LMBRD1: variants seen among roughly 807,000 people sequenced by gnomAD.
LMBRD1 encodes the protein LMBR1 domain containing 1, also known as lysosomal cobalamin transport escort protein LMBD1.
A neutral mutation model predicts 74.8 loss-of-function variants in LMBRD1; 64 were observed. That is an observed-to-expected ratio of 0.86 (90% CI 0.70 to 1.05). The LOEUF (loss-of-function observed/expected upper bound fraction) is 1.05. Among genes scored for constraint, LMBRD1 ranks in the 50% least tolerant of loss-of-function variants. LMBRD1 has a pLI of 0.00. For missense variants in LMBRD1, 652 were observed against 645.9 expected, an observed-to-expected ratio of 1.01 and a Z score of -0.10; for synonymous variants, 204 against 216.3, an observed-to-expected ratio of 0.94 and a Z score of 0.50.
chr6:69,726,103 C>T (rs1221219963), intron 7 of LMBRD1, among the ~76,000 whole-genome samples: 1 of 152,084 alleles, frequency 6.6e-6, no homozygotes, highest in Admixed American at 6.6e-5. Context: ...TTAAAATAGA[C>T]ATACAAATGA....
rs199547511 is a variant in LMBRD1, at chr6:69,710,266, G to GA, written c.915+3378dup. Among the ~76,000 whole-genome samples the GA allele has an allele frequency of 4.0e-3, 596 of 150,442 alleles. 2 individuals carry two copies. The highest frequency in any genetic ancestry group is 5.2e-3 in the Non-Finnish European group (350 of 67,470). On this transcript the variant is annotated intron_variant, in intron 9 of 15. Transcript: ENST00000649934. ...AAGCCAATGAGCAAAGGATAGTCTT[G>GA]AAAAAAAAATTATGCTGGAACAATT...
At chr6:69,724,618 C>G (rs1766687747) in intron 7 of LMBRD1, among the ~76,000 whole-genome samples, 1 of 150,542 alleles carries the variant, frequency 6.6e-6, no homozygotes, top group Non-Finnish European at 1.5e-5. Context: ...AGGATGAAAA[C>G]CACATGATCA....
At chr6:69,752,196 T>C in intron 4 of LMBRD1, 63 bp downstream of exon 4, 2 of 1,517,530 alleles carry the variant, frequency 1.3e-6, no homozygotes, top group Non-Finnish European at 1.8e-6. Flanking sequence ...ATTCATTCTC[T>C]GAAAAAGCAG....
intron 7 of LMBRD1, among the ~76,000 whole-genome samples, chr6:69,734,489 G>A (rs377351212): frequency 2.6e-5 from 4 of 151,538 alleles, no homozygotes; most frequent in African/African-American, 9.7e-5. Context: ...TCTGCCTGCC[G>A]AATTCAAGCG....
chr6:69,723,444 A>T (rs1766661079), intron 7 of LMBRD1, among the ~76,000 whole-genome samples: 2 of 152,176 alleles, frequency 1.3e-5, no homozygotes, highest in Admixed American at 1.3e-4. Flanking sequence ...TAACACATTC[A>T]CAAAAATTGA....
intron 7 of LMBRD1, among the ~76,000 whole-genome samples, chr6:69,727,972 T>C (rs1766771740): frequency 6.6e-6 from 1 of 152,188 alleles, no homozygotes; most frequent in African/African-American, 2.4e-5. Context: ...CCAATTCTCA[T>C]TACTCATTGT....
intron 14 of LMBRD1, among the ~76,000 whole-genome samples, chr6:69,676,861 G>A (rs1249443710): frequency 6.6e-6 from 1 of 152,086 alleles, no homozygotes; most frequent in Admixed American, 6.6e-5. Flanking sequence ...TACTTGGAGT[G>A]TCAGACATAT....
chr6:69,722,132 G>A (rs1425298823), intron 7 of LMBRD1, among the ~76,000 whole-genome samples: 1 of 152,140 alleles, frequency 6.6e-6, no homozygotes, highest in African/African-American at 2.4e-5. Flanking sequence ...GCAAAGAACA[G>A]CATGACATAC....
intron 3 of LMBRD1, among the ~76,000 whole-genome samples, chr6:69,766,708 T>C (rs1765480713): frequency 6.6e-6 from 1 of 151,746 alleles, no homozygotes; most frequent in African/African-American, 2.4e-5. Context: ...AAAAGGTTGA[T>C]AAAGGATTGG....
Position 69,796,893 on chromosome 6 carries a change from G to A in LMBRD1, c.-12C>T, listed in dbSNP as rs781157110. 13 of 1,613,824 alleles carry A rather than the reference G, an allele frequency of 8.1e-6. No individual in the cohort carries two copies. The African/African-American group carries it at 9.3e-5, about 12-fold the overall frequency. On this transcript the variant is annotated 5_prime_UTR_variant, in exon 1 of 16. Coordinates refer to ENST00000649934, the MANE Select transcript of LMBRD1 (RefSeq NM_018368.4). ...CCAGAAGTCGCCATCTTCGCTTCCG[G>A]TCCAGACCAACCTGAGCGCCCGGGG...
intron 14 of LMBRD1, among the ~76,000 whole-genome samples, chr6:69,681,769 G>A (rs1765668417): frequency 6.6e-6 from 1 of 151,892 alleles, no homozygotes. Context: ...CCATGACTGT[G>A]CCAATTGGTT....
chr6:69,692,576 TAA>T (rs528707306), intron 14 of LMBRD1, among the ~76,000 whole-genome samples: 170 of 152,300 alleles, frequency 1.1e-3, no homozygotes, highest in Middle Eastern at 3.4e-3. Flanking sequence ...ATTGCTATGA[TAA>T]CATACCAAAT....
chr6:69,701,561 A>T lies in LMBRD1; in HGVS notation c.981-16T>A. ...TTTATCTAAACTAAAAAAAATTACA[A>T]AGAATGAAATTTATGTTATACTATC... On this transcript the variant is annotated splice_polypyrimidine_tract_variant and intron_variant, in intron 10 of 15. Transcript: ENST00000649934. The T allele has an allele frequency of 6.8e-7, 1 of 1,472,658 alleles. No individual in the cohort carries two copies. The highest frequency in any genetic ancestry group is 1.9e-4 in the Middle Eastern group (1 of 5,258). 91.2% of individuals were successfully genotyped at this position (1,472,658 alleles called of 1,614,324 possible). A position where few individuals can be genotyped will look rare whatever the true frequency, so the allele number is the denominator to read the frequency against.
At chr6:69,705,405 T>G in intron 9 of LMBRD1, 1 of 1,132,406 alleles carries the variant, frequency 8.8e-7, no homozygotes, top group Non-Finnish European at 1.3e-6. Context: ...ACCACCTTTT[T>G]CTATACTTGC....
Position 69,713,647 on chromosome 6 carries a change from T to G in LMBRD1, c.913A>C (p.Lys305Gln). ...TKFCGALRPL[K>Q]IVWGIFFILV... ...TAATTTTTAAAAACTTCATTTACCT[T>G]CAGGGGACGCAGAGCGCCACAAAAT... is the stretch of plus-strand genomic sequence containing the variant. The change falls in exon 9 of 16, where the codon AAG (lysine) becomes CAG (glutamine). Residue 305 changes from lysine (K) to glutamine (Q), a missense_variant and splice_region_variant. Physicochemically the swap from Lys to Gln is moderately conservative, Grantham distance 53. Coordinates refer to ENST00000649934, the MANE Select transcript of LMBRD1 (RefSeq NM_018368.4). 1 of 1,613,384 alleles carries G rather than the reference T, an allele frequency of 6.2e-7. No individual in the cohort carries two copies. Among genetic ancestry groups the G allele is most frequent in the Non-Finnish European group, 8.5e-7 (1 of 1,179,502 alleles).
intron 6 of LMBRD1, among the ~76,000 whole-genome samples, chr6:69,738,582 G>A (rs1162236565): frequency 6.7e-6 from 1 of 149,314 alleles, no homozygotes; most frequent in Non-Finnish European, 1.5e-5. Context: ...AACACAACGA[G>A]AAAATAGGTT....
chr6:69,780,138 T>C (rs1270963722), intron 3 of LMBRD1, among the ~76,000 whole-genome samples: 1 of 150,564 alleles, frequency 6.6e-6, no homozygotes, highest in East Asian at 1.9e-4. Flanking sequence ...TTTTTTTTTT[T>C]TTAACAGGCT....
intron 7 of LMBRD1, among the ~76,000 whole-genome samples, chr6:69,730,483 A>G (rs1766831636): frequency 1.3e-5 from 2 of 152,158 alleles, no homozygotes; most frequent in Non-Finnish European, 1.5e-5. Context: ...CTTACATTTA[A>G]TATCAGTGAA....
intron 1 of LMBRD1, among the ~76,000 whole-genome samples, chr6:69,795,472 C>T (rs1210237597): frequency 6.6e-6 from 1 of 152,212 alleles, no homozygotes; most frequent in Non-Finnish European, 1.5e-5. Flanking sequence ...GGTTTACATC[C>T]TCTTACAATT....
Sources: gnomAD v4.1 joint callset for allele counts (sites outside exome capture counted in the v4.1 genomes callset) on GRCh38, gnomAD v4.1.1 for gene constraint, MANE v1.5 for transcripts, NCBI Gene and HGNC (gene_info 2026-07-23, HGNC 2026-07-21) for gene names.